The following MBP variants were observed in gnomAD, a reference collection of about 807,000 sequenced individuals.
MBP encodes the protein Golli-MBP.
In MBP, 16 loss-of-function variants were observed where a neutral mutation model predicts 35.8. That is an observed-to-expected ratio of 0.45 (90% confidence interval 0.30 to 0.68). MBP has a LOEUF of 0.68. Ranked by LOEUF, MBP falls within the 30% of genes least tolerant of loss-of-function variation. The pLI, the probability that MBP is intolerant of heterozygous loss-of-function variation, is 0.08. For missense variants in MBP, 380 were observed against 404.7 expected, an observed-to-expected ratio of 0.94 and a Z score of 0.52; for synonymous variants, 143 against 159.6, an observed-to-expected ratio of 0.90 and a Z score of 0.78.
chr18:77,037,087 A>T (rs1232607360), intron 3 of MBP, among the ~76,000 whole-genome samples: 1 of 135,786 alleles, frequency 7.4e-6, no homozygotes, highest in African/African-American at 2.8e-5. Flanking sequence ...TGCTGGTCAC[A>T]TTTTGGAGAC....
intron 2 of MBP, among the ~76,000 whole-genome samples, chr18:77,096,487 G>A (rs188516477): frequency 5.3e-4 from 81 of 152,116 alleles, no homozygotes; most frequent in Non-Finnish European, 8.8e-4. Flanking sequence ...AGTTTAATTT[G>A]GAACACCAAA....
At chr18:77,022,078 C>T (rs956011712) in intron 3 of MBP, among the ~76,000 whole-genome samples, 10 of 152,146 alleles carry the variant, frequency 6.6e-5, no homozygotes, top group African/African-American at 2.4e-4. Flanking sequence ...AAAAAGGATT[C>T]CAGTGCTTCT....
intron 3 of MBP, among the ~76,000 whole-genome samples, chr18:77,059,971 A>G (rs1973896818): frequency 6.6e-6 from 1 of 152,256 alleles, no homozygotes; most frequent in Non-Finnish European, 1.5e-5. Flanking sequence ...TAAAGGCCCT[A>G]GCCCTCCAGG....
At chr18:77,127,637 T>A (rs1055109606) in intron 1 of MBP, 3 of 152,138 alleles carry the variant, frequency 2.0e-5, no homozygotes, top group African/African-American at 7.2e-5. Context: ...CACCGAGTGG[T>A]AAGGCCAGCA....
At chr18:77,066,723 C>T (rs1358050021) in intron 2 of MBP, 1 of 531,520 alleles carries the variant, frequency 1.9e-6, no homozygotes, top group African/African-American at 1.9e-5. Flanking sequence ...GCTTTAGATT[C>T]TAAGTGACAC....
chr18:77,096,552 C>G (rs917832238), intron 2 of MBP, among the ~76,000 whole-genome samples: 4 of 152,180 alleles, frequency 2.6e-5, no homozygotes, highest in Non-Finnish European at 5.9e-5. Context: ...TACAGGCTCT[C>G]AGATCTTATT....
rs1971937625 is a variant in MBP at position 77,020,227 on chromosome 18, G to A, written c.140-2959C>T. Among the ~76,000 whole-genome samples, 2 of 152,098 alleles carry A rather than the reference G, an allele frequency of 1.3e-5. No individual in the cohort carries two copies. Among genetic ancestry groups the A allele is most frequent in the Admixed American group, 1.3e-4 (2 of 15,268 alleles). On this transcript the variant is annotated intron_variant, in intron 3 of 8. Coordinates refer to ENST00000355994, the MANE Select transcript of MBP (RefSeq NM_001025101.2). This position sits in a 1 kb window ranked among gnomAD's most constrained non-coding sequence, Gnocchi z 4.1. The stretch of plus-strand genomic sequence containing the variant: ...CTGGGAGTCTGGCTGGGACACTAAG[G>A]AAAGAAAGGTCTCTGGCCTGGGGTG...
intron 4 of MBP, among the ~76,000 whole-genome samples, chr18:77,010,783 T>C (rs1168906441): frequency 6.6e-6 from 1 of 152,250 alleles, no homozygotes; most frequent in African/African-American, 2.4e-5. Flanking sequence ...GTATCTGCTA[T>C]ATCAATGAAC....
At chr18:77,022,135 T>C (rs910836419) in intron 3 of MBP, among the ~76,000 whole-genome samples, 6 of 152,208 alleles carry the variant, frequency 3.9e-5, no homozygotes, top group Non-Finnish European at 8.8e-5. Flanking sequence ...GCCCTGTAAG[T>C]GAGACGTATC....
At position 77,017,062 on chromosome 18, in the gene MBP, C is replaced by T. The variant is rs146853051; in HGVS notation, c.346G>A (p.Glu116Lys). ...TFKDRPSESD[E>K]LQTIQEDSAA... ...CTGTCTTCTTGGATGGTCTGGAGCT[C>T]GTCGGACTCAGAGGGCCTGTCTTTG... Residue 116 changes from glutamate (E) to lysine (K), a missense_variant, in exon 4 of 9, where the codon GAG becomes AAG. Coordinates refer to ENST00000355994, the MANE Select transcript of MBP (RefSeq NM_001025101.2). The T allele has an allele frequency of 6.2e-7, 1 of 1,612,720 alleles. No individual in the cohort carries two copies. Among genetic ancestry groups the T allele is most frequent in the Non-Finnish European group, 8.5e-7 (1 of 1,178,910 alleles).
At chr18:77,017,647 C>T in intron 3 of MBP, 1 of 184,754 alleles carries the variant, frequency 5.4e-6, no homozygotes, top group Non-Finnish European at 1.1e-5. Context: ...GTTTAAAAGG[C>T]CACTGGTGCA....
At chr18:77,028,920 C>A (rs1972398418) in intron 3 of MBP, among the ~76,000 whole-genome samples, 1 of 108,914 alleles carries the variant, frequency 9.2e-6, no homozygotes, top group Non-Finnish European at 2.3e-5. Context: ...AGACTCTCCT[C>A]ACTTTCCAGA....
At chr18:76,980,598 G>A (rs1969131814) in intron 8 of MBP, 127 bp from the exon 9 acceptor site, 3 of 717,742 alleles carry the variant, frequency 4.2e-6, no homozygotes, top group Non-Finnish European at 7.5e-6. Context: ...TAATAGAAAT[G>A]GCACCCCGGA....
chr18:76,996,442 A>G (rs1268485162), intron 4 of MBP, among the ~76,000 whole-genome samples: 3 of 152,214 alleles, frequency 2.0e-5, no homozygotes, highest in African/African-American at 4.8e-5. Context: ...AGCTAAACCC[A>G]CTAGATTTCA....
At position 77,101,165 on chromosome 18, in the gene MBP, C is replaced by T. The variant is rs546421318; in HGVS notation, c.51+4046G>A. On this transcript the variant is annotated intron_variant, in intron 2 of 8. Transcript: ENST00000355994. This position sits in a 1 kb window ranked among gnomAD's most constrained non-coding sequence, Gnocchi z 4.3. ...GCAAAGACTGCCTAAGACAGGGCAT[C>T]CCTCTGTGGGTGGGTCTTGCCCCCT... 5.3e-5 allele frequency among the ~76,000 whole-genome samples: 8 copies of T among 152,372 alleles called. No individual in the cohort carries two copies. Among genetic ancestry groups the T allele is most frequent in the African/African-American group, 1.7e-4 (7 of 41,590 alleles).
chr18:77,078,755 G>T (rs894629880), intron 2 of MBP, among the ~76,000 whole-genome samples: 1 of 152,236 alleles, frequency 6.6e-6, no homozygotes, highest in African/African-American at 2.4e-5. Context: ...CTGTGCTGGG[G>T]CTCTGCTCCT....
chr18:76,986,016 G>A (rs1288057565), intron 7 of MBP: 1 of 985,446 alleles, frequency 1.0e-6, no homozygotes. Flanking sequence ...TCTCGAGTGG[G>A]AACTCCACTG....
intron 2 of MBP, among the ~76,000 whole-genome samples, chr18:77,069,306 AAAAT>A (rs1290801523): frequency 6.6e-6 from 1 of 152,240 alleles, no homozygotes; most frequent in Non-Finnish European, 1.5e-5. Context: ...TAAAACTTGG[AAAAT>A]AAATAATTTC....
At chr18:77,048,919 T>A (rs7227084) in intron 3 of MBP, among the ~76,000 whole-genome samples, 39,066 of 147,430 alleles carry the variant, frequency 0.26, 5,138 homozygotes, top group South Asian at 0.33. Flanking sequence ...GGTTTTTTTT[T>A]AATTTTATTT....
Sources: gnomAD v4.1 joint callset for allele counts (sites outside exome capture counted in the v4.1 genomes callset) on GRCh38, gnomAD v4.1.1 for gene constraint, Gnocchi (gnomAD v3.1) non-coding constraint, MANE v1.5 for transcripts, NCBI Gene and HGNC (gene_info 2026-07-23, HGNC 2026-07-21) for gene names.